Variants in ACTR6 observed in about 807,000 individuals in gnomAD.
ACTR6 encodes actin related protein 6, also known as actin-related protein 6.
In ACTR6, 50 loss-of-function variants were observed where a neutral mutation model predicts 52.5. That is an observed-to-expected ratio of 0.95 (90% CI 0.76 to 1.20). The LOEUF (loss-of-function observed/expected upper bound fraction) is 1.20. Among genes scored for constraint, ACTR6 ranks in the 50% most tolerant of loss-of-function variants. The pLI, the probability that ACTR6 is intolerant of heterozygous loss-of-function variation, is 0.00. For synonymous variants in ACTR6, 135 were observed against 147.2 expected (o/e 0.92, Z 0.60); for missense variants, 344 against 472.4 (o/e 0.73, Z 2.52).
intron 4 of ACTR6, among the ~76,000 whole-genome samples, chr12:100,209,441 A>G (rs886464941): frequency 6.6e-6 from 1 of 152,188 alleles, no homozygotes; most frequent in Admixed American, 6.5e-5. Context: ...GGATCACTTG[A>G]GCCCGGGAGG....
chr12:100,223,367 T>C (rs1341771259), intron 10 of ACTR6, among the ~76,000 whole-genome samples: 1 of 151,338 alleles, frequency 6.6e-6, no homozygotes, highest in Non-Finnish European at 1.5e-5. Context: ...AAAGTGGGAG[T>C]AATAGCTATT....
chr12:100,212,283 T>C lies in ACTR6; in HGVS notation c.600T>C (p.His200=). 1 of 1,610,730 alleles carries C rather than the reference T, an allele frequency of 6.2e-7. No individual in the cohort carries two copies. The highest frequency in any genetic ancestry group is 8.5e-7 in the Non-Finnish European group (1 of 1,178,730). The change falls in exon 7 of 11, where the codon CAT becomes CAC. Residue 200 remains histidine, a synonymous_variant. Transcript: ENST00000188312. ...YRQLHVMDET[H]VINQVKEDVC... is the part of the protein sequence containing the mutation. ...AGCTACATGTTATGGATGAAACACA[T>C]GTGATTAATCAAGTGAAAGAAGATG...
intron 4 of ACTR6, among the ~76,000 whole-genome samples, chr12:100,208,396 C>T (rs113477701): frequency 1.8e-3 from 272 of 152,124 alleles, no homozygotes; most frequent in African/African-American, 6.2e-3. Flanking sequence ...CTGCCTCAGC[C>T]TCCCAAGTAG....
At chr12:100,207,563 A>G in intron 3 of ACTR6, 100 bp from the exon 4 acceptor site, 1 of 1,129,622 alleles carries the variant, frequency 8.9e-7, no homozygotes, top group African/African-American at 1.6e-5. Context: ...ATAAGACATC[A>G]CGATTATTGT....
chr12:100,201,822 C>T (rs761961239), intron 1 of ACTR6, among the ~76,000 whole-genome samples: 5 of 152,160 alleles, frequency 3.3e-5, no homozygotes, highest in Non-Finnish European at 7.3e-5. Flanking sequence ...GGGGTTTCAT[C>T]ATGTTGGCCA....
chr12:100,206,506 G>GT (rs111893743), intron 3 of ACTR6, among the ~76,000 whole-genome samples: 5,368 of 151,128 alleles, frequency 0.036, 120 homozygotes, highest in South Asian at 0.074. Context: ...ACATCTGCAA[G>GT]TTTTTTTTTA....
At chr12:100,202,397 A>T (rs1312323795) in intron 1 of ACTR6, among the ~76,000 whole-genome samples, 1 of 152,186 alleles carries the variant, frequency 6.6e-6, no homozygotes, top group Non-Finnish European at 1.5e-5. Flanking sequence ...AACAAATTCA[A>T]GCTTCTTAAA....
At chr12:100,214,847 G>A (rs2096122762) in intron 8 of ACTR6, among the ~76,000 whole-genome samples, 1 of 152,226 alleles carries the variant, frequency 6.6e-6, no homozygotes, top group Non-Finnish European at 1.5e-5. Context: ...GGTTGCCTGG[G>A]CATGTATCAG....
rs1275955996 is a variant in ACTR6, at chr12:100,218,073, C to T, written c.751-342C>T. Among the ~76,000 whole-genome samples, 1 of 152,100 alleles carries T rather than the reference C, an allele frequency of 6.6e-6. No individual in the cohort carries two copies. The highest frequency in any genetic ancestry group is 1.5e-5 in the Non-Finnish European group (1 of 68,024). The stretch of plus-strand genomic sequence containing the variant: ...CCAGGCTGTCTTGAACTCCCGGGCT[C>T]AAGTGATCCATCCGCCTTGACCTCC... On this transcript the variant is annotated intron_variant, in intron 8 of 10. Transcript: ENST00000188312. This position sits in a 1 kb window ranked among gnomAD's most constrained non-coding sequence, Gnocchi z 4.2.
intron 2 of ACTR6, 42 bp from the exon 3 acceptor site, chr12:100,205,634 T>C (rs759708097): frequency 8.6e-7 from 1 of 1,156,970 alleles, no homozygotes; most frequent in Admixed American, 2.6e-5. Context: ...TAAAAATTAT[T>C]CAAATGTTCT....
At chr12:100,209,008 T>A (rs144471097) in intron 4 of ACTR6, 443 of 324,524 alleles carry the variant, frequency 1.4e-3, no homozygotes, top group African/African-American at 9.1e-3. Flanking sequence ...TGGCCTCCCA[T>A]AGTGCTGGGA....
At chr12:100,219,107 CAAG>C (rs2096126046) in intron 9 of ACTR6, among the ~76,000 whole-genome samples, 1 of 143,506 alleles carries the variant, frequency 7.0e-6, no homozygotes, top group African/African-American at 2.6e-5. Flanking sequence ...CCCTGGTTTG[CAAG>C]AAGTAGGCAT....
chr12:100,206,425 C>G (rs185332832), intron 3 of ACTR6, among the ~76,000 whole-genome samples: 2 of 152,294 alleles, frequency 1.3e-5, no homozygotes, highest in Admixed American at 1.3e-4. Context: ...TTGCAGTAAG[C>G]CGAGATTGCA....
rs577155385 is a variant in ACTR6, at chr12:100,207,761, G to A, written c.354G>A (p.Gln118=). 1.9e-6 allele frequency: 3 copies of A among 1,598,258 alleles called. No homozygotes were observed. The highest frequency in any genetic ancestry group is 4.5e-5 in the East Asian group (2 of 44,230). ...SMNEILFEEY[Q]FQAVLRVNAG... Reference sequence around the variant, plus strand: ...ATGAAATTCTATTTGAAGAATACCAGTTTCAAGCAGTATTAAGAGTAAATG... The same window carrying A: ...ATGAAATTCTATTTGAAGAATACCAATTTCAAGCAGTATTAAGAGTAAATG... Residue 118 remains glutamine, a synonymous_variant, in exon 4 of 11, where the codon CAG becomes CAA. Coordinates refer to ENST00000188312, the MANE Select transcript of ACTR6 (RefSeq NM_022496.5).
At chr12:100,204,726 T>C (rs1201899003) in intron 1 of ACTR6, among the ~76,000 whole-genome samples, 1 of 152,148 alleles carries the variant, frequency 6.6e-6, no homozygotes, top group African/African-American at 2.4e-5. Context: ...CTTGAACTCC[T>C]GGTCTCAAGC....
intron 8 of ACTR6, among the ~76,000 whole-genome samples, chr12:100,216,472 A>G (rs1489016665): frequency 6.6e-6 from 1 of 152,222 alleles, no homozygotes; most frequent in Non-Finnish European, 1.5e-5. Flanking sequence ...CCTCCAGATT[A>G]CTTGTTAATG....
intron 4 of ACTR6, 63 bp from the exon 5 acceptor site, chr12:100,210,010 C>A: frequency 1.4e-6 from 2 of 1,433,602 alleles, no homozygotes; most frequent in Non-Finnish European, 1.9e-6. Context: ...TTGTTTCCTA[C>A]CTTTTTAATT....
At chr12:100,213,461 A>G (rs2096121601) in intron 8 of ACTR6, among the ~76,000 whole-genome samples, 1 of 152,178 alleles carries the variant, frequency 6.6e-6, no homozygotes, top group African/African-American at 2.4e-5. Context: ...TTGATTAATA[A>G]ATTTCTTAGT....
chr12:100,200,856 C>T lies in ACTR6; in HGVS notation c.5C>T (p.Thr2Met), dbSNP rs2096109002. Residue 2 changes from threonine (T) to methionine (M), a missense_variant, in exon 1 of 11, where the codon ACG (threonine) becomes ATG (methionine). Thr to Met is a moderately conservative substitution (Grantham distance 81). Coordinates refer to ENST00000188312, the MANE Select transcript of ACTR6 (RefSeq NM_022496.5). Reference protein sequence around the residue: MTTLVLDNGAYN... With the variant: MMTLVLDNGAYN... ...TGCGGTGTGGTTGGTGGTGAGATGA[C>T]GACCTTAGTGCTGGATAATGGAGCT... 4.3e-6 allele frequency: 7 copies of T among 1,614,036 alleles called. No homozygotes were observed. Among genetic ancestry groups the T allele is most frequent in the Non-Finnish European group, 5.1e-6 (6 of 1,179,970 alleles).
Sources: allele counts gnomAD v4.1 joint callset (sites outside exome capture counted in the v4.1 genomes callset), GRCh38; gene constraint gnomAD v4.1.1; non-coding constraint Gnocchi (gnomAD v3.1); transcripts MANE v1.5; gene names NCBI Gene and HGNC (gene_info 2026-07-23, HGNC 2026-07-21).